The following CWC27 variants were observed in gnomAD, a reference collection of about 807,000 sequenced individuals.
CWC27 encodes CWC27 spliceosome associated cyclophilin, also known as spliceosome-associated protein CWC27 homolog.
In CWC27, 47 loss-of-function variants were observed where a neutral mutation model predicts 63.6. The observed-to-expected ratio is 0.74, with a 90% CI of 0.58 to 0.94. CWC27 has a LOEUF of 0.94. Ranked by LOEUF, CWC27 falls within the 40% of genes least tolerant of loss-of-function variation. The probability of loss-of-function intolerance (pLI) is 0.00; values close to 1 mark genes in which losing one functional copy is unlikely to be tolerated. For synonymous variants in CWC27, 175 were observed against 179.8 expected, an observed-to-expected ratio of 0.97 and a Z score of 0.22; for missense variants, 495 against 554.3, an observed-to-expected ratio of 0.89 and a Z score of 1.07.
At position 64,874,569 on chromosome 5, in the gene CWC27, C is replaced by T. The variant is rs1043066893; in HGVS notation, c.939-10874C>T. On this transcript the variant is annotated intron_variant, in intron 10 of 13. Coordinates refer to ENST00000381070, the MANE Select transcript of CWC27 (RefSeq NM_005869.4). ...GCAACCTTCACCTCCCAAGTTGAAG[C>T]GATTCTTCTGCCTCAGCCTCCTGAG... Among the ~76,000 whole-genome samples the T allele has an allele frequency of 5.9e-5, 9 of 152,012 alleles. No homozygotes were observed. In the East Asian group the frequency reaches 9.7e-4, roughly 16 times the overall value.
intron 13 of CWC27, among the ~76,000 whole-genome samples, chr5:64,999,751 A>G (rs887628630): frequency 6.6e-6 from 1 of 152,064 alleles, no homozygotes; most frequent in Non-Finnish European, 1.5e-5. Flanking sequence ...ATGGACACTT[A>G]AGTTGATTTT....
chr5:64,855,443 G>A (rs1746229499), intron 10 of CWC27, among the ~76,000 whole-genome samples: 1 of 152,116 alleles, frequency 6.6e-6, no homozygotes, highest in African/African-American at 2.4e-5. Context: ...GATTCAGTGA[G>A]TTCTATGTTT....
intron 11 of CWC27, among the ~76,000 whole-genome samples, chr5:64,968,143 A>G (rs1174619298): frequency 6.6e-6 from 1 of 152,122 alleles, no homozygotes; most frequent in African/African-American, 2.4e-5. Flanking sequence ...TAAAAAATGT[A>G]ATATCACTTG....
intron 10 of CWC27, among the ~76,000 whole-genome samples, chr5:64,839,217 A>G (rs1745740507): frequency 6.6e-6 from 1 of 152,190 alleles, no homozygotes; most frequent in African/African-American, 2.4e-5. Flanking sequence ...ATGAGGACAA[A>G]GTCTTGACTC....
chr5:64,944,930 A>G (rs1195741431), intron 11 of CWC27, among the ~76,000 whole-genome samples: 1 of 152,092 alleles, frequency 6.6e-6, no homozygotes, highest in African/African-American at 2.4e-5. Context: ...AGTAGACTCT[A>G]TAAAATCTGT....
intron 11 of CWC27, among the ~76,000 whole-genome samples, chr5:64,914,578 A>G (rs1462044453): frequency 6.6e-6 from 1 of 152,130 alleles, no homozygotes; most frequent in Non-Finnish European, 1.5e-5. Flanking sequence ...GAGCCAAACC[A>G]CACATTCTTC....
chr5:64,859,905 T>C (rs1022643757), intron 10 of CWC27, among the ~76,000 whole-genome samples: 13 of 152,184 alleles, frequency 8.5e-5, no homozygotes, highest in African/African-American at 3.1e-4. Context: ...TCTTTTGAAA[T>C]AGTAGTATCA....
chr5:65,014,621 T>C (rs1004379355), intron 13 of CWC27, among the ~76,000 whole-genome samples: 2 of 152,098 alleles, frequency 1.3e-5, no homozygotes, highest in African/African-American at 4.8e-5. Flanking sequence ...GGGACATACA[T>C]GATTGTAAAC....
At chr5:64,819,148 A>G (rs1337138553) in intron 10 of CWC27, among the ~76,000 whole-genome samples, 3 of 152,188 alleles carry the variant, frequency 2.0e-5, no homozygotes, top group Admixed American at 6.6e-5. Flanking sequence ...GACAATGGTC[A>G]CTTGACTTTA....
chr5:64,885,943 T>TTA (rs1349352441), intron 11 of CWC27, among the ~76,000 whole-genome samples: 3 of 152,158 alleles, frequency 2.0e-5, no homozygotes, highest in African/African-American at 7.2e-5. Flanking sequence ...GGTGGAATGT[T>TTA]TATATATATA....
intron 11 of CWC27, among the ~76,000 whole-genome samples, chr5:64,931,022 A>G (rs1472659839): frequency 1.3e-5 from 2 of 152,164 alleles, no homozygotes; most frequent in Non-Finnish European, 2.9e-5. Flanking sequence ...ATGGCAATAC[A>G]TGCTCCTGGA....
intron 10 of CWC27, among the ~76,000 whole-genome samples, chr5:64,835,957 G>A (rs1745649600): frequency 6.6e-6 from 1 of 151,748 alleles, no homozygotes; most frequent in African/African-American, 2.4e-5. Context: ...AAAACTATAA[G>A]TTTAATTTTG....
intron 11 of CWC27, among the ~76,000 whole-genome samples, chr5:64,953,540 G>T (rs992714028): frequency 6.6e-6 from 1 of 151,750 alleles, no homozygotes. Flanking sequence ...AAAATAAGAG[G>T]GTGAGAAATT....
chr5:64,951,724 A>G (rs1418001532), intron 11 of CWC27, among the ~76,000 whole-genome samples: 2 of 151,950 alleles, frequency 1.3e-5, no homozygotes, highest in African/African-American at 2.4e-5. Flanking sequence ...CATTGCATAT[A>G]AATGGATCAT....
intron 11 of CWC27, among the ~76,000 whole-genome samples, chr5:64,946,135 T>C (rs141793145): frequency 1.5e-3 from 224 of 152,284 alleles, no homozygotes; most frequent in African/African-American, 5.1e-3. Context: ...TTACTCAAAA[T>C]GCTAATTAGA....
chr5:64,906,905 G>A (rs955789940), intron 11 of CWC27, among the ~76,000 whole-genome samples: 38 of 152,080 alleles, frequency 2.5e-4, no homozygotes, highest in East Asian at 5.8e-4. Flanking sequence ...TTTTCCCAGC[G>A]CCATTTATTA....
chr5:64,888,030 C>G (rs1456230652), intron 11 of CWC27, among the ~76,000 whole-genome samples: 1 of 151,930 alleles, frequency 6.6e-6, no homozygotes, highest in Non-Finnish European at 1.5e-5. Context: ...TAGTGCCCAG[C>G]TCTTGCTTTC....
intron 11 of CWC27, among the ~76,000 whole-genome samples, chr5:64,964,458 C>A (rs1748977060): frequency 1.3e-5 from 2 of 152,110 alleles, no homozygotes; most frequent in Non-Finnish European, 2.9e-5. Context: ...AATGAAATGT[C>A]ATTTCCATGA....
chr5:64,819,647 G>C (rs1745141048), intron 10 of CWC27, among the ~76,000 whole-genome samples: 1 of 151,994 alleles, frequency 6.6e-6, no homozygotes, highest in South Asian at 2.1e-4. Context: ...TGATCATGAG[G>C]CCTCCCCAGC....
Sources: allele counts gnomAD v4.1 joint callset (sites outside exome capture counted in the v4.1 genomes callset), GRCh38; gene constraint gnomAD v4.1.1; transcripts MANE v1.5; gene names NCBI Gene and HGNC (gene_info 2026-07-23, HGNC 2026-07-21).